Variants in SCP2 observed in about 807,000 individuals in gnomAD.
SCP2 encodes the protein SCP-2/3-oxoacyl-CoA thiolase.
A neutral mutation model predicts 71.4 loss-of-function variants in SCP2; 48 were observed. That is an observed-to-expected ratio of 0.67 (90% confidence interval 0.53 to 0.86). The LOEUF is 0.86. SCP2 is among the 40% of genes least tolerant of loss of function. The pLI is 0.00. For synonymous variants in SCP2, 220 were observed against 218.1 expected (o/e 1.01, Z -0.08); for missense variants, 560 against 655.6 (o/e 0.85, Z 1.59).
At chr1:53,021,922 G>A (rs1029038256) in intron 12 of SCP2, among the ~76,000 whole-genome samples, 6 of 152,144 alleles carry the variant, frequency 3.9e-5, no homozygotes, top group Non-Finnish European at 8.8e-5. Context: ...TGGGATTACA[G>A]GCATGAGCCA....
At position 52,993,273 on chromosome 1, in the gene SCP2, C is replaced by T. The variant is rs756669751; in HGVS notation, c.1081+5137C>T. 12 of 1,614,054 alleles carry T rather than the reference C, an allele frequency of 7.4e-6. No individual in the cohort carries two copies. In the East Asian group the frequency reaches 2.7e-4, roughly 36 times the overall value. On this transcript the variant is annotated intron_variant, in intron 11 of 15. Transcript: ENST00000371514. ...TCTGGTGAAGGAGGACATTCCTGCT[C>T]TTGAAATTTCCTGATAACCCGGACA... is the stretch of plus-strand genomic sequence containing the variant.
intron 11 of SCP2, chr1:52,995,979 A>C: frequency 7.1e-7 from 1 of 1,411,782 alleles, no homozygotes; most frequent in Non-Finnish European, 9.3e-7. Flanking sequence ...GGATGCCACC[A>C]CAGAAGAGGA....
rs140596511 is a variant in SCP2 at position 53,002,658 on chromosome 1, G to A, written c.1082-12232G>A. 6.0e-3 allele frequency among the ~76,000 whole-genome samples: 910 copies of A among 152,298 alleles called. 2 individuals carry two copies. Among genetic ancestry groups the A allele is most frequent in the Non-Finnish European group, 9.5e-3 (647 of 68,024 alleles). ...ATTATAAGATGCTCTGATCTCCTGT[G>A]CGAAGTAATTATTTCTTTTTCTGCA... On this transcript the variant is annotated intron_variant, in intron 11 of 15. Coordinates refer to ENST00000371514, the MANE Select transcript of SCP2 (RefSeq NM_002979.5).
chr1:52,975,611 G>A (rs1413054093), intron 7 of SCP2, among the ~76,000 whole-genome samples: 3 of 152,144 alleles, frequency 2.0e-5, no homozygotes, highest in South Asian at 2.1e-4. Flanking sequence ...CTGGCTAATT[G>A]TACATTTATT....
intron 1 of SCP2, among the ~76,000 whole-genome samples, chr1:52,927,696 C>T (rs1052870193): frequency 3.9e-5 from 6 of 152,184 alleles, no homozygotes; most frequent in African/African-American, 1.4e-4. Flanking sequence ...CATGAAGCAG[C>T]CCCGAGATAA....
Position 53,010,113 on chromosome 1 carries a change from A to G in SCP2, c.1082-4777A>G, listed in dbSNP as rs1356838110. 5.3e-5 allele frequency among the ~76,000 whole-genome samples: 8 copies of G among 152,322 alleles called. No homozygotes were observed. The East Asian group carries it at 1.5e-3, about 29-fold the overall frequency. The stretch of plus-strand genomic sequence containing the variant: ...ACACCAGTTAGAATGGTGATCATTA[A>G]AAAGTCAGGAAACAACAGGTGCTGG... On this transcript the variant is annotated intron_variant, in intron 11 of 15. Transcript: ENST00000371514.
chr1:52,969,126 G>C (rs1009667960), intron 6 of SCP2, among the ~76,000 whole-genome samples: 10 of 151,156 alleles, frequency 6.6e-5, no homozygotes, highest in Non-Finnish European at 1.5e-4. Flanking sequence ...AGGTGGAAGA[G>C]GAGGCAGAAG....
chr1:52,998,466 T>A (rs1315824455), intron 11 of SCP2, among the ~76,000 whole-genome samples: 1 of 151,980 alleles, frequency 6.6e-6, no homozygotes, highest in Non-Finnish European at 1.5e-5. Context: ...AGCAATAGCA[T>A]GCACCTGTAG....
At chr1:53,018,740 CA>C (rs1184206730) in intron 12 of SCP2, among the ~76,000 whole-genome samples, 1,193 of 114,004 alleles carry the variant, frequency 0.01, 14 homozygotes, top group African/African-American at 0.028. Flanking sequence ...GACTCTGTTT[CA>C]AAAAAAAAAA....
intron 3 of SCP2, among the ~76,000 whole-genome samples, chr1:52,948,332 G>A (rs1338406358): frequency 6.6e-6 from 1 of 152,102 alleles, no homozygotes; most frequent in Non-Finnish European, 1.5e-5. Context: ...AAATTATACT[G>A]TAAAGATCTT....
At chr1:53,021,702 C>A (rs193218636) in intron 12 of SCP2, among the ~76,000 whole-genome samples, 1 of 146,104 alleles carries the variant, frequency 6.8e-6, no homozygotes, top group Non-Finnish European at 1.5e-5. Flanking sequence ...TGGAGTGCAG[C>A]AGTATGATCT....
intron 6 of SCP2, among the ~76,000 whole-genome samples, chr1:52,969,707 G>A: frequency 6.6e-6 from 1 of 152,130 alleles, no homozygotes; most frequent in East Asian, 1.9e-4. Flanking sequence ...TGTAATCCCA[G>A]CAACTGGGGA....
chr1:52,989,998 AGT>A (rs1186762273), intron 11 of SCP2, among the ~76,000 whole-genome samples: 1 of 152,224 alleles, frequency 6.6e-6, no homozygotes, highest in Non-Finnish European at 1.5e-5. Flanking sequence ...TGCCTGGCTG[AGT>A]ACCACATTAT....
Position 53,016,447 on chromosome 1 carries a change from T to G in SCP2, c.1235+1404T>G, listed in dbSNP as rs1013593442. On this transcript the variant is annotated intron_variant, in intron 12 of 15. Transcript: ENST00000371514. ...TAAAAAGTATTGAATCTTAAGTTTT[T>G]GTGGGGTTTTTTTCTTTTTTGAGAC... Among the ~76,000 whole-genome samples, 2 of 152,186 alleles carry G rather than the reference T, an allele frequency of 1.3e-5. 1 individual carries two copies. The highest frequency in any genetic ancestry group is 4.8e-5 in the African/African-American group (2 of 41,442).
At chr1:53,035,722 AAAC>A (rs1399742384) in intron 13 of SCP2, among the ~76,000 whole-genome samples, 6 of 152,220 alleles carry the variant, frequency 3.9e-5, no homozygotes, top group East Asian at 1.9e-4. Flanking sequence ...TCATAGAATA[AAAC>A]AACAACAACA....
chr1:52,971,205 C>T (rs1247150622), intron 6 of SCP2, among the ~76,000 whole-genome samples: 3 of 151,812 alleles, frequency 2.0e-5, no homozygotes, highest in South Asian at 2.1e-4. Context: ...CTCGATATCC[C>T]GACCTCGTGA....
intron 1 of SCP2, 59 bp from the exon 2 acceptor site, chr1:52,941,734 CAAA>C (rs143386725): frequency 5.2e-4 from 491 of 941,192 alleles, no homozygotes; most frequent in East Asian, 7.3e-4. Flanking sequence ...GACTCCGTCT[CAAA>C]AAAAAAAAAA....
intron 11 of SCP2, among the ~76,000 whole-genome samples, chr1:52,997,635 C>A (rs555024173): frequency 6.6e-6 from 1 of 152,258 alleles, no homozygotes; most frequent in Non-Finnish European, 1.5e-5. Flanking sequence ...CTAGGGAACA[C>A]AGGAGAGAGA....
rs1463646715 is a variant in SCP2, at chr1:52,927,437, T to C, written c.41T>C (p.Val14Ala). ...SPWEPATLRRVFVVGVGMTKF... is the reference protein window; with the variant it reads ...SPWEPATLRRAFVVGVGMTKF... Reference sequence around the variant, plus strand: ...TGGGAGCCTGCGACCCTGCGCCGGGTGTTCGTGGTGGGGGTTGGCATGACC... The same window carrying C: ...TGGGAGCCTGCGACCCTGCGCCGGGCGTTCGTGGTGGGGGTTGGCATGACC... The change falls in exon 1 of 16, where the codon GTG (valine) becomes GCG (alanine). Residue 14 changes from valine (V) to alanine (A), a missense_variant. Transcript: ENST00000371514. 6.2e-7 allele frequency: 1 copy of C among 1,602,026 alleles called. No individual in the cohort carries two copies. The highest frequency in any genetic ancestry group is 1.3e-5 in the African/African-American group (1 of 74,826).
Sources: allele counts gnomAD v4.1 joint callset (sites outside exome capture counted in the v4.1 genomes callset), GRCh38; gene constraint gnomAD v4.1.1; transcripts MANE v1.5; gene names NCBI Gene and HGNC (gene_info 2026-07-23, HGNC 2026-07-21).